NRXN1: variants seen among roughly 807,000 people sequenced by gnomAD.
NRXN1 encodes the protein neurexin 1, also known as neurexin-1.
Under a neutral mutation model 150.9 loss-of-function variants are expected in NRXN1, and 39 were observed. That is an observed-to-expected ratio of 0.26 (90% confidence interval 0.20 to 0.34). The LOEUF (loss-of-function observed/expected upper bound fraction) is 0.34. Ranked by LOEUF, NRXN1 falls within the 10% of genes least tolerant of loss-of-function variation. The probability of loss-of-function intolerance (pLI) is 1.00; values close to 1 mark genes in which losing one functional copy is unlikely to be tolerated. For missense variants in NRXN1, 1,815 were observed against 1,949.9 expected (o/e 0.93, Z 1.30); for synonymous variants, 924 against 757.0 (o/e 1.22, Z -3.62).
intron 17 of NRXN1, among the ~76,000 whole-genome samples, chr2:50,460,177 A>G (rs2088023011): frequency 6.6e-6 from 1 of 152,080 alleles, no homozygotes; most frequent in Non-Finnish European, 1.5e-5. Flanking sequence ...AGCCACCTCC[A>G]TATTTACCTA....
intron 18 of NRXN1, among the ~76,000 whole-genome samples, chr2:50,236,261 A>G (rs2065405636): frequency 6.6e-6 from 1 of 152,100 alleles, no homozygotes; most frequent in Admixed American, 6.6e-5. Context: ...TATCAAAATG[A>G]GTACAAAATG....
intron 19 of NRXN1, among the ~76,000 whole-genome samples, chr2:50,065,864 C>A (rs1375345493): frequency 6.6e-6 from 1 of 152,126 alleles, no homozygotes; most frequent in African/African-American, 2.4e-5. Flanking sequence ...AGTTGTGACA[C>A]AAAAGACCAC....
chr2:50,417,089 T>C (rs752285924), intron 17 of NRXN1: 1 of 152,076 alleles, frequency 6.6e-6, no homozygotes, highest in Non-Finnish European at 1.5e-5. Flanking sequence ...CTACCTTGAA[T>C]GAGGAAAGAG....
At chr2:50,862,744 T>G (rs889762871) in intron 5 of NRXN1, among the ~76,000 whole-genome samples, 1 of 152,078 alleles carries the variant, frequency 6.6e-6, no homozygotes, top group Non-Finnish European at 1.5e-5. Context: ...AATATCAATA[T>G]TTTGTAGTAG....
intron 17 of NRXN1, among the ~76,000 whole-genome samples, chr2:50,317,396 A>G (rs6738321): frequency 0.24 from 37,162 of 151,818 alleles, 5,504 homozygotes; most frequent in East Asian, 0.53. Context: ...GTAGTTAGAA[A>G]TAAATGATAA....
At chr2:49,986,153 G>T (rs975105270) in intron 21 of NRXN1, among the ~76,000 whole-genome samples, 4 of 152,056 alleles carry the variant, frequency 2.6e-5, no homozygotes, top group Non-Finnish European at 4.4e-5. Context: ...GATGCCACAG[G>T]GCACATATGT....
intron 21 of NRXN1, among the ~76,000 whole-genome samples, chr2:49,992,992 G>C (rs907442851): frequency 6.6e-6 from 1 of 152,228 alleles, no homozygotes; most frequent in Non-Finnish European, 1.5e-5. Flanking sequence ...TTTTGGAAGA[G>C]AGTTTGGCAG....
intron 17 of NRXN1, among the ~76,000 whole-genome samples, chr2:50,407,315 C>G (rs908805416): frequency 2.0e-5 from 3 of 152,056 alleles, no homozygotes; most frequent in Non-Finnish European, 4.4e-5. Flanking sequence ...TTTTTGTCAT[C>G]AATTTGCTAC....
At chr2:49,991,690 C>T (rs1376308132) in intron 21 of NRXN1, among the ~76,000 whole-genome samples, 1 of 152,152 alleles carries the variant, frequency 6.6e-6, no homozygotes, top group Non-Finnish European at 1.5e-5. Context: ...AGCTTCAATG[C>T]AATCCCAATC....
intron 12 of NRXN1, among the ~76,000 whole-genome samples, chr2:50,526,187 G>A (rs188834317): frequency 1.3e-5 from 2 of 152,284 alleles, no homozygotes; most frequent in African/African-American, 4.8e-5. Context: ...TGTTTCTGGG[G>A]AAGTTTCCAT....
intron 5 of NRXN1, among the ~76,000 whole-genome samples, chr2:50,875,505 C>A: frequency 6.6e-6 from 1 of 151,722 alleles, no homozygotes; most frequent in Admixed American, 6.6e-5. Flanking sequence ...ATCCTAAAAT[C>A]CAGCCATTTT....
intron 19 of NRXN1, among the ~76,000 whole-genome samples, chr2:50,084,065 T>C (rs878985079): frequency 6.6e-6 from 1 of 152,194 alleles, no homozygotes; most frequent in African/African-American, 2.4e-5. Context: ...GATTGGTGCA[T>C]CCACAAACCC....
At chr2:50,132,856 CTTT>C (rs70946891) in intron 18 of NRXN1, among the ~76,000 whole-genome samples, 50 of 142,422 alleles carry the variant, frequency 3.5e-4, no homozygotes, top group Non-Finnish European at 3.2e-4. Flanking sequence ...GATTTAGGGT[CTTT>C]TTTTTTTTTT....
At chr2:50,972,775 A>C (rs1490809860) in intron 2 of NRXN1, among the ~76,000 whole-genome samples, 1 of 152,110 alleles carries the variant, frequency 6.6e-6, no homozygotes, top group Non-Finnish European at 1.5e-5. Flanking sequence ...TAATGCTGCC[A>C]CTGATCTGAC....
At chr2:50,423,476 AAAG>A in intron 17 of NRXN1, among the ~76,000 whole-genome samples, 1 of 152,292 alleles carries the variant, frequency 6.6e-6, no homozygotes, top group Admixed American at 6.5e-5. Context: ...TAGCAAACAC[AAAG>A]AAGTCACCTT....
intron 17 of NRXN1, among the ~76,000 whole-genome samples, chr2:50,354,855 C>A (rs1349148653): frequency 1.3e-5 from 2 of 151,984 alleles, no homozygotes; most frequent in Non-Finnish European, 1.5e-5. Flanking sequence ...AACCTGGGAT[C>A]TGTGTGCCTG....
rs17039873 is a variant in NRXN1, at chr2:50,118,952, G to T, written c.3547-27458C>A. 4.7e-3 allele frequency among the ~76,000 whole-genome samples: 720 copies of T among 151,692 alleles called. 5 individuals are homozygous for T. Among genetic ancestry groups the T allele is most frequent in the African/African-American group, 0.016 (668 of 41,390 alleles). ...GGAAAAATTCTGTGCATCTCAAAAG[G>T]CACAATACCTGTGTGTTAACCTGTC... On this transcript the variant is annotated intron_variant, in intron 18 of 22. Coordinates refer to ENST00000401669, the MANE Select transcript of NRXN1 (RefSeq NM_001330078.2).
chr2:49,943,653 C>G (rs779366768), intron 22 of NRXN1, 51 bp downstream of exon 22: 2 of 1,247,930 alleles, frequency 1.6e-6, no homozygotes, highest in East Asian at 4.8e-5. Flanking sequence ...ATATAACATG[C>G]AACAAAGATT....
chr2:50,075,060 T>C (rs895541436), intron 19 of NRXN1, among the ~76,000 whole-genome samples: 26 of 152,208 alleles, frequency 1.7e-4, no homozygotes, highest in African/African-American at 5.1e-4. Context: ...GAGAACACTG[T>C]AGTCAGGAAA....
Sources: gnomAD v4.1 joint callset for allele counts (sites outside exome capture counted in the v4.1 genomes callset) on GRCh38, gnomAD v4.1.1 for gene constraint, MANE v1.5 for transcripts, NCBI Gene and HGNC (gene_info 2026-07-23, HGNC 2026-07-21) for gene names.